The following ANKH variants were observed in gnomAD, a reference collection of about 807,000 sequenced individuals.
ANKH encodes the protein ANKH inorganic pyrophosphate transport regulator, also known as mineralization regulator ANKH.
ANKH carries 15 observed loss-of-function variants against 49.0 expected under a neutral mutation model. The observed-to-expected ratio is 0.31, with a 90% CI of 0.20 to 0.47. The LOEUF (loss-of-function observed/expected upper bound fraction) is 0.47, where lower values mean the gene tolerates loss of function less well. Among genes scored for constraint, ANKH ranks in the 20% least tolerant of loss-of-function variants. ANKH has a pLI of 1.00. For missense variants in ANKH, 429 were observed against 652.0 expected, an observed-to-expected ratio of 0.66 and a Z score of 3.72; for synonymous variants, 273 against 260.0, an observed-to-expected ratio of 1.05 and a Z score of -0.48.
rs1395316729 is a variant in ANKH, at chr5:14,709,647, A to T, written c.*1550T>A. ...TTGCACTTCTATTCCTACTCCAGTG[A>T]CCCATTTATTCCCCAGTTACCCATA... On this transcript the variant is annotated 3_prime_UTR_variant, in exon 12 of 12. Coordinates refer to ENST00000284268, the MANE Select transcript of ANKH (RefSeq NM_054027.6). 6.6e-6 allele frequency: 1 copy of T among 152,440 alleles called. No homozygotes were observed. The highest frequency in any genetic ancestry group is 1.5e-5 in the Non-Finnish European group (1 of 68,036). 9.4% of individuals were successfully genotyped at this position (152,440 alleles called of 1,614,324 possible). A position where few individuals can be genotyped will look rare whatever the true frequency, so the allele number is the denominator to read the frequency against.
intron 1 of ANKH, among the ~76,000 whole-genome samples, chr5:14,858,640 C>T (rs1735369621): frequency 6.6e-6 from 1 of 151,834 alleles, no homozygotes; most frequent in African/African-American, 2.4e-5. Context: ...CGCTTAAACA[C>T]AGGAGGCGGG....
chr5:14,754,339 T>TG (rs1236596820), intron 4 of ANKH, among the ~76,000 whole-genome samples: 1 of 152,044 alleles, frequency 6.6e-6, no homozygotes, highest in Admixed American at 6.6e-5. Context: ...AAGAGTTTTT[T>TG]TTTTTTTTTT....
At chr5:14,847,239 A>G (rs1050524488) in intron 1 of ANKH, among the ~76,000 whole-genome samples, 1 of 152,194 alleles carries the variant, frequency 6.6e-6, no homozygotes, top group South Asian at 2.1e-4. Flanking sequence ...TGGCACCTCA[A>G]AGTGAATGCT....
intron 1 of ANKH, among the ~76,000 whole-genome samples, chr5:14,811,237 T>C (rs1199402879): frequency 2.0e-5 from 3 of 148,924 alleles, no homozygotes; most frequent in Non-Finnish European, 4.4e-5. Flanking sequence ...TCCTTCATAT[T>C]CCTTATTCAT....
At chr5:14,722,816 TG>T (rs1737709932) in intron 8 of ANKH, among the ~76,000 whole-genome samples, 1 of 151,922 alleles carries the variant, frequency 6.6e-6, no homozygotes, top group Admixed American at 6.6e-5. Context: ...AAGAGCACAG[TG>T]GGGAGAAAGG....
chr5:14,826,820 A>G (rs887262190), intron 1 of ANKH, among the ~76,000 whole-genome samples: 4 of 152,212 alleles, frequency 2.6e-5, no homozygotes, highest in Non-Finnish European at 4.4e-5. Flanking sequence ...TTTGCTCTCC[A>G]TATGTTCTGA....
intron 9 of ANKH, among the ~76,000 whole-genome samples, chr5:14,716,184 TTTTTG>T (rs1355710920): frequency 6.6e-6 from 1 of 152,204 alleles, no homozygotes; most frequent in Admixed American, 6.5e-5. Flanking sequence ...CTTTTTACTG[TTTTTG>T]TAATCACTGC....
At chr5:14,817,674 C>T (rs752103800) in intron 1 of ANKH, among the ~76,000 whole-genome samples, 3 of 152,100 alleles carry the variant, frequency 2.0e-5, no homozygotes, top group Non-Finnish European at 2.9e-5. Context: ...GTGAATTTCC[C>T]CAGGGTATTC....
intron 1 of ANKH, among the ~76,000 whole-genome samples, chr5:14,802,506 G>A (rs1417128632): frequency 6.6e-6 from 1 of 152,028 alleles, no homozygotes; most frequent in Admixed American, 6.6e-5. Flanking sequence ...ACAGATGGAG[G>A]GACCTCTGAA....
chr5:14,863,193 G>C (rs535914690), intron 1 of ANKH, among the ~76,000 whole-genome samples: 15 of 152,196 alleles, frequency 9.9e-5, no homozygotes, highest in African/African-American at 3.6e-4. Context: ...GTATTAAAAT[G>C]ATAAAAGCAG....
intron 1 of ANKH, among the ~76,000 whole-genome samples, chr5:14,809,335 TAAAAAAA>T (rs36119317): frequency 3.0e-4 from 24 of 80,834 alleles, no homozygotes; most frequent in South Asian, 9.1e-4. Flanking sequence ...TAGAGTATAA[TAAAAAAA>T]AAAAAAAAAA....
chr5:14,771,940 A>AC (rs1436817933), intron 1 of ANKH, among the ~76,000 whole-genome samples: 208 of 149,470 alleles, frequency 1.4e-3, no homozygotes, highest in Non-Finnish European at 2.5e-3. Context: ...AAAAAAAAAA[A>AC]AAAAAAACCA....
At position 14,741,957 on chromosome 5, in the gene ANKH, G is replaced by T. The variant is rs146936383; in HGVS notation, c.916-35C>A. 7.5e-5 allele frequency: 116 copies of T among 1,553,772 alleles called. No individual in the cohort carries two copies. The East Asian group carries it at 2.6e-3, about 35-fold the overall frequency. The stretch of plus-strand genomic sequence containing the variant: ...GAAAACCACAGTCATGAATGGGCCC[G>T]GCTTATCCTTGGCTGAACCCACCGG... On this transcript the variant is annotated intron_variant, in intron 7 of 11. Transcript: ENST00000284268.
At chr5:14,768,646 C>G (rs1739326091) in intron 2 of ANKH, 1 of 397,538 alleles carries the variant, frequency 2.5e-6, no homozygotes, top group Non-Finnish European at 4.7e-6. Flanking sequence ...TTTAATGACC[C>G]AGTACAATGA....
rs1038438822 is a variant in ANKH, at chr5:14,725,382, C to T, written c.1012-8547G>A. 6.6e-6 allele frequency among the ~76,000 whole-genome samples: 1 copy of T among 152,204 alleles called. No individual in the cohort carries two copies. The highest frequency in any genetic ancestry group is 2.4e-5 in the African/African-American group (1 of 41,454). ...ATAAAGTAAATCGATGCCTGCCTTC[C>T]TTAAGAAAGTCTTGCCATCCAAACA... On this transcript the variant is annotated intron_variant, in intron 8 of 11. Coordinates refer to ENST00000284268, the MANE Select transcript of ANKH (RefSeq NM_054027.6). This position sits in a 1 kb window ranked among gnomAD's most constrained non-coding sequence, Gnocchi z 4.0.
chr5:14,790,762 C>T (rs2126543397), intron 1 of ANKH, among the ~76,000 whole-genome samples: 1 of 152,264 alleles, frequency 6.6e-6, no homozygotes, highest in East Asian at 1.9e-4. Flanking sequence ...GCGAGCGTCA[C>T]CATGCCCAGT....
At chr5:14,843,896 G>C (rs1180139033) in intron 1 of ANKH, among the ~76,000 whole-genome samples, 2 of 152,166 alleles carry the variant, frequency 1.3e-5, no homozygotes, top group Non-Finnish European at 2.9e-5. Flanking sequence ...TTGCATATAA[G>C]GTATGTAAAT....
At chr5:14,797,854 G>T (rs980700106) in intron 1 of ANKH, 22 of 1,611,606 alleles carry the variant, frequency 1.4e-5, no homozygotes, top group Non-Finnish European at 1.7e-5. Flanking sequence ...TTCCAAGAAA[G>T]CCCATAGCCT....
chr5:14,844,665 G>T (rs1330864682), intron 1 of ANKH, among the ~76,000 whole-genome samples: 2 of 152,192 alleles, frequency 1.3e-5, no homozygotes, highest in Non-Finnish European at 2.9e-5. Context: ...ATTTAAAGAC[G>T]AGCCCCTTTC....
Sources: allele counts gnomAD v4.1 joint callset (sites outside exome capture counted in the v4.1 genomes callset), GRCh38; gene constraint gnomAD v4.1.1; non-coding constraint Gnocchi (gnomAD v3.1); transcripts MANE v1.5; gene names NCBI Gene and HGNC (gene_info 2026-07-23, HGNC 2026-07-21).